BRDT: variants seen among roughly 807,000 people sequenced by gnomAD.
The protein encoded by BRDT is bromodomain testis-specific protein.
In BRDT, 77 loss-of-function variants were observed where a neutral mutation model predicts 113.9. That is an observed-to-expected ratio of 0.68 (90% CI 0.56 to 0.82). BRDT has a LOEUF of 0.82. Among genes scored for constraint, BRDT ranks in the 40% least tolerant of loss-of-function variants. The pLI is 0.00. For missense variants in BRDT, 1,027 were observed against 1,105.4 expected, an observed-to-expected ratio of 0.93 and a Z score of 1.01; for synonymous variants, 358 against 366.5, an observed-to-expected ratio of 0.98 and a Z score of 0.26.
chr1:91,954,027 A>G (rs181230703), intron 1 of BRDT, among the ~76,000 whole-genome samples: 125 of 151,932 alleles, frequency 8.2e-4, no homozygotes, highest in African/African-American at 2.6e-3. Context: ...GCTAGAGTAC[A>G]GTGGCATGAT....
At chr1:91,985,638 CTTTTTTTT>C (rs57330647) in intron 12 of BRDT, among the ~76,000 whole-genome samples, 4 of 108,610 alleles carry the variant, frequency 3.7e-5, no homozygotes, top group Non-Finnish European at 5.2e-5. Context: ...ATTAGTTTTG[CTTTTTTTT>C]TTTTTTTTTT....
chr1:91,969,858 C>T (rs1419220974), intron 4 of BRDT, among the ~76,000 whole-genome samples: 25 of 112,222 alleles, frequency 2.2e-4, no homozygotes, highest in African/African-American at 3.8e-4. Context: ...GACAGAGTTT[C>T]ACTCTCGTTG....
At chr1:91,954,893 C>T (rs990458940) in intron 1 of BRDT, among the ~76,000 whole-genome samples, 2 of 151,980 alleles carry the variant, frequency 1.3e-5, no homozygotes, top group African/African-American at 4.8e-5. Context: ...AGCCCGAGAT[C>T]GAGGCTTCAG....
Position 91,979,746 on chromosome 1 carries a change from C to G in BRDT, c.1276C>G (p.Leu426Val), listed in dbSNP as rs200388233. Residue 426 changes from leucine to valine, a missense_variant, in exon 8 of 19, where the codon CTT (leucine) becomes GTT (valine). Leu to Val is a conservative substitution (Grantham distance 32). Coordinates refer to ENST00000399546, the MANE Select transcript of BRDT (RefSeq NM_207189.4). Reference protein sequence around the residue: ...EDERVKRLAKLQEQLKAVHQQ... With the variant: ...EDERVKRLAKVQEQLKAVHQQ... ...TGAGCGAGTTAAGCGTCTTGCAAAG[C>G]TTCAGGAGCAGGTAGTTGATTGTAT... 5.5e-5 allele frequency: 88 copies of G among 1,603,796 alleles called. No homozygotes were observed. The highest frequency in any genetic ancestry group is 7.1e-5 in the Admixed American group (4 of 56,266).
chr1:91,964,165 A>G (rs1682810449), intron 2 of BRDT, among the ~76,000 whole-genome samples: 2 of 152,242 alleles, frequency 1.3e-5, no homozygotes, highest in South Asian at 4.1e-4. Flanking sequence ...GGTTTGAGTG[A>G]TTCTCCTGCC....
At position 91,958,462 on chromosome 1, in the gene BRDT, C is replaced by T. The variant is rs7527065; in HGVS notation, c.-37-4256C>T. On this transcript the variant is annotated intron_variant, in intron 1 of 18. Coordinates refer to ENST00000399546, the MANE Select transcript of BRDT (RefSeq NM_207189.4). ...AACTCCTGATCTTGGGTGGTCTACC[C>T]ACCTTCACCTCCCAAAGTGTTGGGA... is the stretch of plus-strand genomic sequence containing the variant. 8.8e-3 allele frequency among the ~76,000 whole-genome samples: 1,336 copies of T among 152,228 alleles called. 10 individuals are homozygous for T. The highest frequency in any genetic ancestry group is 0.031 in the African/African-American group (1,290 of 41,534).
intron 12 of BRDT, among the ~76,000 whole-genome samples, chr1:91,982,966 A>G (rs1484794932): frequency 3.3e-5 from 5 of 152,208 alleles, no homozygotes; most frequent in Admixed American, 6.5e-5. Flanking sequence ...TTTGTGGTCT[A>G]ATAAGTTAGA....
intron 15 of BRDT, among the ~76,000 whole-genome samples, chr1:91,996,035 C>A (rs2101765163): frequency 6.6e-6 from 1 of 152,168 alleles, no homozygotes; most frequent in South Asian, 2.1e-4. Context: ...AAACAAATAT[C>A]CAAAGTATGA....
In BRDT at chr1:91,994,120, C is replaced by T. The variant is rs201585189; in HGVS notation, c.2153C>T (p.Thr718Ile). The change falls in exon 15 of 19, where the codon ACT becomes ATT. Residue 718 changes from threonine (T) to isoleucine (I), a missense_variant. Transcript: ENST00000399546. ...YCVQDTTSAN[T>I]TLVHQTTPSH... is the part of the protein sequence containing the mutation. ...GTGCAAGACACAACCTCTGCCAATA[C>T]TACCCTTGTTCATCAGACCACACCT... 67 of 1,612,444 alleles carry T rather than the reference C, an allele frequency of 4.2e-5. No individual in the cohort carries two copies. The highest frequency in any genetic ancestry group is 5.2e-5 in the Non-Finnish European group (61 of 1,179,500).
Position 91,962,957 on chromosome 1 carries a change from C to A in BRDT, c.192+11C>A. 1 of 1,524,496 alleles carries A rather than the reference C, an allele frequency of 6.6e-7. No individual in the cohort carries two copies. Among genetic ancestry groups the A allele is most frequent in the Non-Finnish European group, 8.8e-7 (1 of 1,137,022 alleles). 94.4% of individuals were successfully genotyped at this position (1,524,496 alleles called of 1,614,324 possible). ...AAACTACAGTTGCCTGTATGTATGT[C>A]TTCAACTATGTTAGTTTCAAAAAAA... On this transcript the variant is annotated intron_variant, in intron 2 of 18. Coordinates refer to ENST00000399546, the MANE Select transcript of BRDT (RefSeq NM_207189.4).
rs1683965131 is a variant in BRDT at position 91,974,774 on chromosome 1, A to T, written c.446-1492A>T. 2.0e-5 allele frequency among the ~76,000 whole-genome samples: 3 copies of T among 152,216 alleles called. No homozygotes were observed. The South Asian group carries it at 6.2e-4, about 32-fold the overall frequency. On this transcript the variant is annotated intron_variant, in intron 4 of 18. Transcript: ENST00000399546. ...AAATACCATTTGACCCAGCCATCCC[A>T]TTACTGGGTATATACCCAAGGAAAT...
At chr1:91,979,011 A>AAAAAAAAAC (rs1553189994) in intron 7 of BRDT, among the ~76,000 whole-genome samples, 3 of 130,814 alleles carry the variant, frequency 2.3e-5, no homozygotes, top group Non-Finnish European at 3.1e-5. Context: ...AAAAAAAAAA[A>AAAAAAAAAC]AACAACAACA....
chr1:92,000,504 A>G (rs1686740151), intron 15 of BRDT, among the ~76,000 whole-genome samples: 1 of 152,200 alleles, frequency 6.6e-6, no homozygotes, highest in African/African-American at 2.4e-5. Flanking sequence ...GCTCACTGCT[A>G]TTCCTTGATG....
At chr1:91,978,946 C>A (rs1684419616) in intron 7 of BRDT, among the ~76,000 whole-genome samples, 1 of 133,682 alleles carries the variant, frequency 7.5e-6, no homozygotes, top group African/African-American at 2.7e-5. Context: ...TGCAGTGAGC[C>A]GAAATTGCGC....
At chr1:92,001,504 T>C (rs1481589504) in intron 15 of BRDT, among the ~76,000 whole-genome samples, 1 of 152,150 alleles carries the variant, frequency 6.6e-6, no homozygotes, top group African/African-American at 2.4e-5. Flanking sequence ...AAGTCCAGCC[T>C]GGCCAACATG....
chr1:91,977,097 G>GTTT lies in BRDT; in HGVS notation c.675_676insTTT (p.Val225_Lys226insPhe). 11 of 1,613,418 alleles carry GTTT rather than the reference G, an allele frequency of 6.8e-6. No individual in the cohort carries two copies. The highest frequency in any genetic ancestry group is 8.5e-6 in the Non-Finnish European group (10 of 1,179,718). On this transcript the variant is annotated inframe_insertion, in exon 6 of 19. Coordinates refer to ENST00000399546, the MANE Select transcript of BRDT (RefSeq NM_207189.4). Reference sequence around the variant, plus strand: ...TACAACAACTCCTGCAACTTCAGCAGTTAAAGCAAGTAGTGAATTTTCTCC... The same window carrying GTTT: ...TACAACAACTCCTGCAACTTCAGCAGTTTTTAAAGCAAGTAGTGAATTTTCTCC...
rs533015057 is a variant in BRDT, at chr1:91,964,493, C to A, written c.193-134C>A. ...TACAGGCGTGAGCCACTGTGCCCAG[C>A]CAGAATATGGCTTTTTAAAGATAAT... On this transcript the variant is annotated intron_variant, in intron 2 of 18. Coordinates refer to ENST00000399546, the MANE Select transcript of BRDT (RefSeq NM_207189.4). 17 of 561,484 alleles carry A rather than the reference C, an allele frequency of 3.0e-5. No individual in the cohort carries two copies. The Admixed American group carries it at 7.0e-4, about 23-fold the overall frequency. The allele number at this position is 561,484 out of a possible 1,614,324, so 34.8% of individuals were successfully genotyped here.
At chr1:91,958,806 G>A (rs1682087833) in intron 1 of BRDT, among the ~76,000 whole-genome samples, 1 of 152,120 alleles carries the variant, frequency 6.6e-6, no homozygotes, top group South Asian at 2.1e-4. Context: ...TGTAATTCCA[G>A]CACTTTGGGA....
chr1:91,976,583 CCT>C (rs1171774887), intron 5 of BRDT, 145 bp downstream of exon 5: 2 of 796,516 alleles, frequency 2.5e-6, no homozygotes, highest in Non-Finnish European at 3.7e-6. Context: ...ACTGTTTCCG[CCT>C]CTCTATGCAT....
Sources: allele counts gnomAD v4.1 joint callset (sites outside exome capture counted in the v4.1 genomes callset), GRCh38; gene constraint gnomAD v4.1.1; transcripts MANE v1.5; gene names NCBI Gene and HGNC (gene_info 2026-07-23, HGNC 2026-07-21).